Variants in MSH6 observed in about 807,000 individuals in gnomAD.
MSH6 encodes the protein DNA mismatch repair protein Msh6.
MSH6 carries 85 observed loss-of-function variants against 119.1 expected under a neutral mutation model. That is an observed-to-expected ratio of 0.71 (90% confidence interval 0.60 to 0.85). MSH6 has a LOEUF of 0.85. Ranked by LOEUF, MSH6 falls within the 40% of genes least tolerant of loss-of-function variation. MSH6 has a pLI of 0.00. For synonymous variants in MSH6, 830 were observed against 586.9 expected (o/e 1.41, Z -5.99); for missense variants, 2,163 against 1,655.3 (o/e 1.31, Z -5.32).
rs587776706 is a variant in MSH6, at chr2:47,805,692, C to CT, written c.3633dup (p.Val1212CysfsTer3). ...GCATGCAACAGCACATTCTCTGGTG[C>CT]TTGTGGATGAATTAGGTAAGACATT... is the stretch of plus-strand genomic sequence containing the variant. On this transcript the variant is annotated frameshift_variant, in exon 7 of 10. Coordinates refer to ENST00000234420, the MANE Select transcript of MSH6 (RefSeq NM_000179.3). LOFTEE classifies it high-confidence loss of function. 3 of 1,610,864 alleles carry CT rather than the reference C, an allele frequency of 1.9e-6. No individual in the cohort carries two copies. In the South Asian group the frequency reaches 3.3e-5, roughly 18 times the overall value.
intron 5 of MSH6, among the ~76,000 whole-genome samples, chr2:47,803,985 AC>A (rs1669792729): frequency 6.6e-6 from 1 of 152,258 alleles, no homozygotes; most frequent in South Asian, 2.1e-4. Flanking sequence ...GAACAAAAAT[AC>A]AAAGGCTGTA....
In MSH6 at chr2:47,800,104, A is replaced by G. The variant is rs1114167798; in HGVS notation, c.2121A>G (p.Glu707=). The part of the protein sequence containing the change: ...DQELLSMANF[E]EYIPLDSDTV... ...AGCTTTTATCAATGGCTAATTTTGA[A>G]GAATATATTCCCTTGGATTCTGACA... The change falls in exon 4 of 10, where the codon GAA becomes GAG. Residue 707 remains glutamate, a synonymous_variant. Coordinates refer to ENST00000234420, the MANE Select transcript of MSH6 (RefSeq NM_000179.3). 2 of 1,614,200 alleles carry G rather than the reference A, an allele frequency of 1.2e-6. No homozygotes were observed. Among genetic ancestry groups the G allele is most frequent in the East Asian group, 4.5e-5 (2 of 44,884 alleles).
rs754959739 is a variant in MSH6 at position 47,805,628 on chromosome 2, A to C, written c.3567A>C (p.Thr1189=). 1 of 1,611,008 alleles carries C rather than the reference A, an allele frequency of 6.2e-7. No individual in the cohort carries two copies. Among genetic ancestry groups the C allele is most frequent in the Non-Finnish European group, 8.5e-7 (1 of 1,177,706 alleles). The change falls in exon 7 of 10, where the codon ACA becomes ACC. Residue 1189 remains threonine, a synonymous_variant. Coordinates refer to ENST00000234420, the MANE Select transcript of MSH6 (RefSeq NM_000179.3). ...TTTTTTTTTTTTAAGGTGAAAGTAC[A>C]TTTTTTGTTGAATTAAGTGAAACTG... ...ASDRIMSGES[T]FFVELSETAS...
downstream of MSH6, chr2:47,808,964 T>C (rs1209977412): frequency 6.6e-6 from 3 of 452,312 alleles, no homozygotes; most frequent in Non-Finnish European, 1.2e-5. Flanking sequence ...CCCAAAGTGC[T>C]AGGATTACAG....
At chr2:47,796,173 T>G in intron 3 of MSH6, 110 bp downstream of exon 3, 1 of 1,086,186 alleles carries the variant, frequency 9.2e-7, no homozygotes, top group Non-Finnish European at 1.4e-6. Context: ...TGTATATGTA[T>G]TATTTTATTA....
At position 47,806,341 on chromosome 2, in the gene MSH6, G is replaced by C. The variant is rs587779290; in HGVS notation, c.3784G>C (p.Val1262Leu). Residue 1262 changes from valine to leucine, a missense_variant, in exon 8 of 10, where the codon GTG becomes CTG. Transcript: ENST00000234420. ...LVEDYSQNVA[V>L]RLGHMACMVE... ...AGAAGATTATTCTCAAAATGTTGCT[G>C]TGCGCCTAGGACATATGGTATGTGC... 1 of 1,614,088 alleles carries C rather than the reference G, an allele frequency of 6.2e-7. No individual in the cohort carries two copies. Among genetic ancestry groups the C allele is most frequent in the Non-Finnish European group, 8.5e-7 (1 of 1,179,996 alleles).
Position 47,783,270 on chromosome 2 carries a change from A to G in MSH6, c.37A>G (p.Lys13Glu), listed in dbSNP as rs942019524. The change falls in exon 1 of 10, where the codon AAG becomes GAG. Residue 13 changes from lysine (K) to glutamate (E), a missense_variant. Coordinates refer to ENST00000234420, the MANE Select transcript of MSH6 (RefSeq NM_000179.3). ...RQSTLYSFFP[K>E]SPALSDANKA... ...GAGCACCCTGTACAGCTTCTTCCCCAAGTCTCCGGCGCTGAGTGATGCCAA... is the reference window on the plus strand; with the variant it reads ...GAGCACCCTGTACAGCTTCTTCCCCGAGTCTCCGGCGCTGAGTGATGCCAA... The G allele has an allele frequency of 6.2e-7, 1 of 1,612,098 alleles. No homozygotes were observed. Among genetic ancestry groups the G allele is most frequent in the Non-Finnish European group, 8.5e-7 (1 of 1,179,566 alleles).
intron 7 of MSH6, 134 bp from the exon 8 acceptor site, chr2:47,806,070 G>T: frequency 1.2e-6 from 1 of 859,138 alleles, no homozygotes; most frequent in Non-Finnish European, 1.9e-6. Context: ...AGCTAAACAA[G>T]GCCTATTTAT....
At chr2:47,790,604 A>T (rs541580233) in intron 1 of MSH6, among the ~76,000 whole-genome samples, 1 of 152,316 alleles carries the variant, frequency 6.6e-6, no homozygotes, top group African/African-American at 2.4e-5. Context: ...TTTGGAGAGC[A>T]TATACAGTGA....
At chr2:47,797,333 A>C (rs1016275430) in intron 3 of MSH6, among the ~76,000 whole-genome samples, 8 of 152,226 alleles carry the variant, frequency 5.3e-5, no homozygotes, top group African/African-American at 1.9e-4. Context: ...AAGTTAATAA[A>C]GTGGGTATTT....
At chr2:47,790,067 T>G (rs1407593049) in intron 1 of MSH6, among the ~76,000 whole-genome samples, 3 of 152,214 alleles carry the variant, frequency 2.0e-5, no homozygotes, top group Non-Finnish European at 4.4e-5. Context: ...CAAGGATATG[T>G]TTGTTGAGCA....
intron 1 of MSH6, chr2:47,784,020 C>T (rs1668190091): frequency 9.8e-7 from 1 of 1,022,748 alleles, no homozygotes; most frequent in Non-Finnish European, 1.2e-6. Flanking sequence ...AGTTGGGGCT[C>T]CAGTAGTCGA....
At chr2:47,809,421 G>T, downstream of MSH6, 1 of 687,820 alleles carries the variant, frequency 1.5e-6, no homozygotes, top group Middle Eastern at 4.0e-4. Flanking sequence ...GCTAAGAATA[G>T]AATTTTCCTT....
At chr2:47,808,115 A>C (rs1444213877), downstream of MSH6, 1 of 1,602,136 alleles carries the variant, frequency 6.2e-7, no homozygotes, top group Non-Finnish European at 8.5e-7. Flanking sequence ...TTAGGGAAGG[A>C]ATTCAGTTGT....
In MSH6 at chr2:47,783,330, CGTG is replaced by C; in HGVS notation, c.98_100del (p.Arg33_Ala34delinsPro). 6.2e-7 allele frequency: 1 copy of C among 1,609,950 alleles called. No homozygotes were observed. Among genetic ancestry groups the C allele is most frequent in the Non-Finnish European group, 8.5e-7 (1 of 1,178,536 alleles). On this transcript the variant is annotated inframe_deletion, in exon 1 of 10. Coordinates refer to ENST00000234420, the MANE Select transcript of MSH6 (RefSeq NM_000179.3). ...GGCCAGGGCCTCACGCGAAGGCGGC[CGTG>C]CCGCCGCTGCCCCCGGGGCCTCTCC... is the stretch of plus-strand genomic sequence containing the variant.
chr2:47,806,414 T>C (rs765485224), intron 8 of MSH6, 38 bp from the exon 9 acceptor site: 2 of 1,613,816 alleles, frequency 1.2e-6, no homozygotes, highest in Non-Finnish European at 1.7e-6. Context: ...GCACTTCTCT[T>C]GCTAGCACAT....
chr2:47,797,105 G>A (rs1217858292), intron 3 of MSH6, among the ~76,000 whole-genome samples: 2 of 152,144 alleles, frequency 1.3e-5, no homozygotes, highest in Non-Finnish European at 2.9e-5. Context: ...AAAACATTTT[G>A]TGATTTGTTG....
Position 47,800,971 on chromosome 2 carries a change from G to A in MSH6, c.2988G>A (p.Leu996=), listed in dbSNP as rs1060504749. ...GCAATTTGCCAGAAGAATACGAGTT[G>A]AAATCTACCAAGAAGGGCTGTAAAC... ...TTRNLPEEYE[L]KSTKKGCKRY... The change falls in exon 4 of 10, where the codon TTG becomes TTA. Residue 996 remains leucine, a synonymous_variant. Transcript: ENST00000234420. The A allele has an allele frequency of 4.5e-6, 7 of 1,561,670 alleles. No individual in the cohort carries two copies. The highest frequency in any genetic ancestry group is 5.2e-6 in the Non-Finnish European group (6 of 1,156,744).
chr2:47,809,667 G>A, downstream of MSH6: 1 of 1,613,446 alleles, frequency 6.2e-7, no homozygotes, highest in Non-Finnish European at 8.5e-7. Flanking sequence ...AAATCTGATT[G>A]CCTTCTAGTG....
Sources: allele counts gnomAD v4.1 joint callset (sites outside exome capture counted in the v4.1 genomes callset), GRCh38; gene constraint gnomAD v4.1.1; transcripts MANE v1.5; gene names NCBI Gene and HGNC (gene_info 2026-07-23, HGNC 2026-07-21).